Variants in PCDH7 observed in about 807,000 individuals in gnomAD.
The protein encoded by PCDH7 is protocadherin-7.
In PCDH7, 17 loss-of-function variants were observed where a neutral mutation model predicts 58.9. The ratio of observed to expected loss-of-function variants is 0.29; its 90% confidence interval spans 0.20 to 0.43. The LOEUF (loss-of-function observed/expected upper bound fraction) is 0.43. Ranked by LOEUF, PCDH7 falls within the 20% of genes least tolerant of loss-of-function variation. The pLI is 1.00. For synonymous variants in PCDH7, 664 were observed against 616.4 expected, an observed-to-expected ratio of 1.08 and a Z score of -1.14; for missense variants, 1,274 against 1,441.0, an observed-to-expected ratio of 0.88 and a Z score of 1.88.
At chr4:30,996,737 A>T (rs1279264601) in intron 3 of PCDH7, among the ~76,000 whole-genome samples, 1 of 152,234 alleles carries the variant, frequency 6.6e-6, no homozygotes, top group Non-Finnish European at 1.5e-5. Context: ...CTGAGGAATA[A>T]CTAGGTTTAA....
intron 1 of PCDH7, among the ~76,000 whole-genome samples, chr4:30,780,900 C>T (rs1470236106): frequency 6.6e-6 from 1 of 152,156 alleles, no homozygotes; most frequent in Non-Finnish European, 1.5e-5. Flanking sequence ...AAACTAAATC[C>T]TCTCACTGTT....
intron 3 of PCDH7, among the ~76,000 whole-genome samples, chr4:31,027,988 G>T (rs1236116410): frequency 6.6e-6 from 1 of 152,040 alleles, no homozygotes; most frequent in Non-Finnish European, 1.5e-5. Flanking sequence ...TTTAGCTGCT[G>T]CAACTTTTTG....
intron 1 of PCDH7, among the ~76,000 whole-genome samples, chr4:30,818,846 G>T (rs970657662): frequency 1.3e-5 from 2 of 152,092 alleles, no homozygotes; most frequent in African/African-American, 4.8e-5. Context: ...TGGACTACTG[G>T]CAGGGAAGAT....
At chr4:31,099,321 G>A (rs1375187222) in intron 3 of PCDH7, among the ~76,000 whole-genome samples, 3 of 152,120 alleles carry the variant, frequency 2.0e-5, no homozygotes, top group Non-Finnish European at 2.9e-5. Context: ...TATACAAGCA[G>A]CATATACAGG....
At chr4:30,979,974 G>A (rs1335958152) in intron 3 of PCDH7, among the ~76,000 whole-genome samples, 1 of 152,088 alleles carries the variant, frequency 6.6e-6, no homozygotes, top group East Asian at 1.9e-4. Flanking sequence ...GTGGGACATA[G>A]CAATAAAAAG....
intron 1 of PCDH7, among the ~76,000 whole-genome samples, chr4:30,887,303 A>G (rs909538679): frequency 6.6e-6 from 1 of 152,162 alleles, no homozygotes; most frequent in African/African-American, 2.4e-5. Flanking sequence ...TGGGATTGCT[A>G]TAAGCACACT....
chr4:30,881,540 T>C (rs1010315334), intron 1 of PCDH7, among the ~76,000 whole-genome samples: 1 of 152,176 alleles, frequency 6.6e-6, no homozygotes, highest in Non-Finnish European at 1.5e-5. Flanking sequence ...GGAAGCAATT[T>C]TGCTGAGTTC....
At chr4:30,975,940 T>C (rs1046301159) in intron 3 of PCDH7, among the ~76,000 whole-genome samples, 1 of 152,136 alleles carries the variant, frequency 6.6e-6, no homozygotes, top group African/African-American at 2.4e-5. Flanking sequence ...AGTAAATCCT[T>C]GCCTGCTCAG....
intron 1 of PCDH7, among the ~76,000 whole-genome samples, chr4:30,753,330 G>A (rs1376105592): frequency 6.6e-6 from 1 of 152,154 alleles, no homozygotes; most frequent in Non-Finnish European, 1.5e-5. Context: ...GAATGAAAAT[G>A]CCTCAGTTTA....
intron 1 of PCDH7, among the ~76,000 whole-genome samples, chr4:30,832,024 G>A (rs79128207): frequency 0.013 from 1,996 of 152,224 alleles, 55 homozygotes; most frequent in African/African-American, 0.046. Context: ...TTCTCAAAAA[G>A]TAACACTTTA....
intron 3 of PCDH7, among the ~76,000 whole-genome samples, chr4:31,134,456 CT>C (rs1719355532): frequency 6.6e-6 from 1 of 151,980 alleles, no homozygotes; most frequent in South Asian, 2.1e-4. Context: ...TAGACTCCAT[CT>C]CAAAAAACAA....
chr4:30,854,761 A>G (rs1239682722), intron 1 of PCDH7, among the ~76,000 whole-genome samples: 1 of 152,046 alleles, frequency 6.6e-6, no homozygotes. Context: ...GTTGGTTACC[A>G]TGGATATTAG....
At chr4:30,737,291 A>T (rs1716437038), downstream of PCDH7, among the ~76,000 whole-genome samples, 1 of 152,218 alleles carries the variant, frequency 6.6e-6, no homozygotes, top group Non-Finnish European at 1.5e-5. Flanking sequence ...ATTTCTAATT[A>T]TCTATGAATT....
At chr4:30,978,161 C>T (rs1468030537) in intron 3 of PCDH7, among the ~76,000 whole-genome samples, 2 of 152,100 alleles carry the variant, frequency 1.3e-5, no homozygotes, top group African/African-American at 2.4e-5. Context: ...CTCCCTTATC[C>T]TAAGATTACA....
intron 3 of PCDH7, among the ~76,000 whole-genome samples, chr4:31,080,207 A>G (rs1325236762): frequency 6.6e-6 from 1 of 152,170 alleles, no homozygotes; most frequent in Non-Finnish European, 1.5e-5. Flanking sequence ...AAAATGTTTG[A>G]GTTGTAAAAT....
chr4:31,024,767 A>T (rs1032920444), intron 3 of PCDH7, among the ~76,000 whole-genome samples: 10 of 152,068 alleles, frequency 6.6e-5, no homozygotes, highest in Non-Finnish European at 1.3e-4. Flanking sequence ...TTTGAGACAG[A>T]GTCTCACTCT....
chr4:30,809,117 TACA>T (rs1726643004), intron 1 of PCDH7, among the ~76,000 whole-genome samples: 1 of 152,222 alleles, frequency 6.6e-6, no homozygotes, highest in Non-Finnish European at 1.5e-5. Flanking sequence ...CTATTAAGTC[TACA>T]ACCTTTTAAA....
chr4:30,860,559 A>G (rs146125693), intron 1 of PCDH7, among the ~76,000 whole-genome samples: 16 of 152,248 alleles, frequency 1.1e-4, no homozygotes, highest in African/African-American at 3.4e-4. Flanking sequence ...GCCTATATGA[A>G]CAAGGACATA....
chr4:30,877,802 G>A (rs1736479169), intron 1 of PCDH7, among the ~76,000 whole-genome samples: 1 of 152,136 alleles, frequency 6.6e-6, no homozygotes, highest in Admixed American at 6.5e-5. Context: ...ATCAACAGAT[G>A]GAGATGGAAA....
Sources: gnomAD v4.1 joint callset for allele counts (sites outside exome capture counted in the v4.1 genomes callset) on GRCh38, gnomAD v4.1.1 for gene constraint, MANE v1.5 for transcripts, NCBI Gene and HGNC (gene_info 2026-07-23, HGNC 2026-07-21) for gene names.